The following DSCAM variants were observed in gnomAD, a reference collection of about 807,000 sequenced individuals.
DSCAM encodes DS cell adhesion molecule.
A neutral mutation model predicts 217.7 loss-of-function variants in DSCAM; 47 were observed. That is an observed-to-expected ratio of 0.22 (90% CI 0.17 to 0.28). The LOEUF is 0.28. Among genes scored for constraint, DSCAM ranks in the 10% least tolerant of loss-of-function variants. The pLI is 1.00. For missense variants in DSCAM, 2,080 were observed against 2,618.3 expected, an observed-to-expected ratio of 0.79 and a Z score of 4.49; for synonymous variants, 1,056 against 1,015.3, an observed-to-expected ratio of 1.04 and a Z score of -0.76.
intron 3 of DSCAM, among the ~76,000 whole-genome samples, chr21:40,602,872 T>C (rs1459229973): frequency 6.6e-6 from 1 of 152,040 alleles, no homozygotes; most frequent in African/African-American, 2.4e-5. Context: ...CTGCTTGTTT[T>C]AGGCTGATAT....
chr21:40,782,391 T>C lies in DSCAM; in HGVS notation c.43+64228A>G, dbSNP rs1375466475. The stretch of plus-strand genomic sequence containing the variant: ...TAAGCATCTTAGTTTTCATCCTAAA[T>C]TACAAACTTCTCACAGAAAGGAAGT... On this transcript the variant is annotated intron_variant, in intron 1 of 32. Transcript: ENST00000400454. Among the ~76,000 whole-genome samples, 3 of 152,264 alleles carry C rather than the reference T, an allele frequency of 2.0e-5. No individual in the cohort carries two copies. In the East Asian group the frequency reaches 5.8e-4, roughly 29 times the overall value.
At chr21:40,789,031 G>T (rs369266500) in intron 1 of DSCAM, among the ~76,000 whole-genome samples, 2 of 151,934 alleles carry the variant, frequency 1.3e-5, no homozygotes, top group Admixed American at 6.6e-5. Context: ...GCGCATAGTC[G>T]GTATTCATTA....
At chr21:40,518,305 G>C (rs1229902607) in intron 3 of DSCAM, among the ~76,000 whole-genome samples, 1 of 97,628 alleles carries the variant, frequency 1.0e-5, no homozygotes, top group African/African-American at 3.8e-5. Flanking sequence ...GTGGCAGCCA[G>C]TCTGTCAAAG....
chr21:40,116,607 A>G (rs1231771962), intron 20 of DSCAM, among the ~76,000 whole-genome samples: 3 of 151,976 alleles, frequency 2.0e-5, no homozygotes, highest in South Asian at 2.1e-4. Flanking sequence ...TCTCATGTAT[A>G]TGATTCATTA....
At chr21:40,712,907 T>A (rs1237585186) in intron 1 of DSCAM, among the ~76,000 whole-genome samples, 1 of 152,052 alleles carries the variant, frequency 6.6e-6, no homozygotes, top group Non-Finnish European at 1.5e-5. Flanking sequence ...GTGGCCCCCC[T>A]TCCACTATGA....
intron 4 of DSCAM, among the ~76,000 whole-genome samples, chr21:40,367,709 G>C (rs1382766968): frequency 6.6e-6 from 1 of 152,016 alleles, no homozygotes; most frequent in African/African-American, 2.4e-5. Flanking sequence ...CCTTCTCCTG[G>C]CATCTATCAC....
In DSCAM at chr21:40,769,215, T is replaced by C. The variant is rs1199937313; in HGVS notation, c.44-60444A>G. Among the ~76,000 whole-genome samples, 4 of 117,720 alleles carry C rather than the reference T, an allele frequency of 3.4e-5. No individual in the cohort carries two copies. In the East Asian group the frequency reaches 8.1e-4, roughly 24 times the overall value. The allele number at this position is 117,720 out of a possible 152,430, so 77.2% of individuals were successfully genotyped here. A position where few individuals can be genotyped will look rare whatever the true frequency, so the allele number is the denominator to read the frequency against. ...AGGATTGACACTTACATCTCTGTGA[T>C]ACACTACTTGTTCTCTCATATTCTT... On this transcript the variant is annotated intron_variant, in intron 1 of 32. Transcript: ENST00000400454.
intron 4 of DSCAM, among the ~76,000 whole-genome samples, chr21:40,358,926 ATC>A (rs2074727281): frequency 6.6e-6 from 1 of 152,174 alleles, no homozygotes; most frequent in African/African-American, 2.4e-5. Flanking sequence ...AAATGCTTAT[ATC>A]TCTATAATGA....
intron 3 of DSCAM, among the ~76,000 whole-genome samples, chr21:40,652,680 C>T (rs1047685295): frequency 6.6e-6 from 1 of 152,122 alleles, no homozygotes. Context: ...GGTCCAAATC[C>T]CACACATTCT....
chr21:40,766,102 C>CGG (rs1601233120), intron 1 of DSCAM, among the ~76,000 whole-genome samples: 3 of 152,116 alleles, frequency 2.0e-5, no homozygotes, highest in South Asian at 2.1e-4. Context: ...TTTCAAATTG[C>CGG]GGCCGTTTCC....
At chr21:40,629,157 C>T (rs182193614) in intron 3 of DSCAM, among the ~76,000 whole-genome samples, 1 of 151,752 alleles carries the variant, frequency 6.6e-6, no homozygotes, top group African/African-American at 2.4e-5. Flanking sequence ...AGGATGTTTA[C>T]TCTACTTCTT....
chr21:40,305,085 G>A (rs921201233), intron 9 of DSCAM, among the ~76,000 whole-genome samples: 10 of 151,992 alleles, frequency 6.6e-5, no homozygotes, highest in African/African-American at 2.4e-4. Flanking sequence ...GCGATATCTG[G>A]GAAGCACAAT....
chr21:40,387,558 C>T (rs73229153), intron 3 of DSCAM, among the ~76,000 whole-genome samples: 11,233 of 152,110 alleles, frequency 0.074, 748 homozygotes, highest in Admixed American at 0.23. Flanking sequence ...CTGGCAGAAG[C>T]AAAGACAAAT....
At chr21:40,755,113 G>A (rs2091262849) in intron 1 of DSCAM, among the ~76,000 whole-genome samples, 1 of 152,168 alleles carries the variant, frequency 6.6e-6, no homozygotes, top group Admixed American at 6.5e-5. Context: ...GATGCAGTGG[G>A]CAGGACATGG....
At chr21:40,834,539 C>T (rs2092041484) in intron 1 of DSCAM, among the ~76,000 whole-genome samples, 1 of 151,674 alleles carries the variant, frequency 6.6e-6, no homozygotes, top group African/African-American at 2.4e-5. Context: ...ACCCATAATG[C>T]CTATGCCTGT....
intron 3 of DSCAM, among the ~76,000 whole-genome samples, chr21:40,491,372 A>T (rs1179626282): frequency 1.3e-5 from 2 of 151,812 alleles, no homozygotes; most frequent in Non-Finnish European, 2.9e-5. Flanking sequence ...TTTTGCCACG[A>T]TTCTCTTATT....
intron 11 of DSCAM, among the ~76,000 whole-genome samples, chr21:40,191,538 G>A (rs726106): frequency 0.4 from 60,614 of 151,944 alleles, 12,174 homozygotes; most frequent in South Asian, 0.44. Flanking sequence ...CTTTATTGTG[G>A]TATAATATCC....
At chr21:40,676,485 C>T (rs1316969465) in intron 3 of DSCAM, among the ~76,000 whole-genome samples, 1 of 152,250 alleles carries the variant, frequency 6.6e-6, no homozygotes, top group Non-Finnish European at 1.5e-5. Context: ...GGAATTGTGT[C>T]GAATTCAGTA....
intron 1 of DSCAM, among the ~76,000 whole-genome samples, chr21:40,831,334 T>A (rs778209587): frequency 2.6e-5 from 4 of 152,156 alleles, no homozygotes; most frequent in African/African-American, 9.7e-5. Flanking sequence ...CACACAGGCA[T>A]AGCTTATTCT....
Sources: gnomAD v4.1 joint callset for allele counts (sites outside exome capture counted in the v4.1 genomes callset) on GRCh38, gnomAD v4.1.1 for gene constraint, MANE v1.5 for transcripts, NCBI Gene and HGNC (gene_info 2026-07-23, HGNC 2026-07-21) for gene names.